The following THUMPD2 variants were observed in gnomAD, a reference collection of about 807,000 sequenced individuals.
The protein encoded by THUMPD2 is U6 snRNA (guanine-N(2))-methyltransferase THUMPD2.
A neutral mutation model predicts 49.4 loss-of-function variants in THUMPD2; 56 were observed. That is an observed-to-expected ratio of 1.13 (90% CI 0.91 to 1.41). The LOEUF is 1.41. THUMPD2 is among the 40% of genes most tolerant of loss of function. THUMPD2 has a pLI of 0.00. For missense variants in THUMPD2, 709 were observed against 594.5 expected, an observed-to-expected ratio of 1.19 and a Z score of -2.00; for synonymous variants, 237 against 205.2, an observed-to-expected ratio of 1.15 and a Z score of -1.32.
chr2:39,748,577 A>T (rs1674919849), intron 8 of THUMPD2, among the ~76,000 whole-genome samples: 1 of 152,100 alleles, frequency 6.6e-6, no homozygotes, highest in Non-Finnish European at 1.5e-5. Flanking sequence ...AGTCCCAGCT[A>T]CTCAGGAGGC....
Position 39,771,561 on chromosome 2 carries a change from C to G in THUMPD2, c.206G>C (p.Arg69Thr). 11 of 1,606,862 alleles carry G rather than the reference C, an allele frequency of 6.8e-6. No individual in the cohort carries two copies. The highest frequency in any genetic ancestry group is 9.3e-6 in the Non-Finnish European group (11 of 1,177,750). ...CTGCTTTTTAATCAGCAAAAATAATCTTTCTGCAGATTTTAATTTCTTCAA... is the reference window on the plus strand; with the variant it reads ...CTGCTTTTTAATCAGCAAAAATAATGTTTCTGCAGATTTTAATTTCTTCAA... ...NMLKKLKSAE[R>T]LFLLIKKQFP... Residue 69 changes from arginine to threonine, a missense_variant, in exon 2 of 10, where the codon AGA becomes ACA. Transcript: ENST00000505747.
intron 8 of THUMPD2, among the ~76,000 whole-genome samples, chr2:39,746,645 AT>A (rs1674631729): frequency 2.0e-5 from 3 of 152,096 alleles, no homozygotes; most frequent in Admixed American, 2.0e-4. Flanking sequence ...TGAAAAAAAA[AT>A]TTAGTTTTAA....
At chr2:39,744,524 T>C in intron 8 of THUMPD2, 46 bp from the exon 9 acceptor site, 1 of 1,226,554 alleles carries the variant, frequency 8.2e-7, no homozygotes, top group Non-Finnish European at 1.1e-6. Context: ...GGGTCAAATA[T>C]TTACAACTTA....
intron 1 of THUMPD2, among the ~76,000 whole-genome samples, chr2:39,776,780 T>A (rs1679167618): frequency 6.6e-6 from 1 of 152,208 alleles, no homozygotes; most frequent in African/African-American, 2.4e-5. Context: ...AATTTTCCAC[T>A]GCAAACTGTG....
chr2:39,737,524 A>G (rs1673258292), intron 9 of THUMPD2, among the ~76,000 whole-genome samples: 1 of 152,226 alleles, frequency 6.6e-6, no homozygotes, highest in Non-Finnish European at 1.5e-5. Flanking sequence ...ATCAAAGTCT[A>G]TGTAGCACTT....
At chr2:39,770,428 G>A (rs1366193191) in intron 2 of THUMPD2, among the ~76,000 whole-genome samples, 2 of 151,812 alleles carry the variant, frequency 1.3e-5, no homozygotes, top group Non-Finnish European at 2.9e-5. Context: ...TATATACATA[G>A]ACCTAGAGTG....
At chr2:39,744,525 T>A (rs1048474666) in intron 8 of THUMPD2, 47 bp from the exon 9 acceptor site, 3 of 1,223,858 alleles carry the variant, frequency 2.5e-6, no homozygotes, top group Non-Finnish European at 3.4e-6. Context: ...GGTCAAATAT[T>A]TACAACTTAA....
intron 8 of THUMPD2, among the ~76,000 whole-genome samples, chr2:39,751,205 C>T (rs926742478): frequency 6.6e-6 from 1 of 152,242 alleles, no homozygotes; most frequent in Non-Finnish European, 1.5e-5. Flanking sequence ...AACACCAAGG[C>T]CAAGCCAGCA....
chr2:39,738,618 A>G (rs1673471039), intron 9 of THUMPD2, among the ~76,000 whole-genome samples: 1 of 120,118 alleles, frequency 8.3e-6, no homozygotes, highest in Admixed American at 8.7e-5. Flanking sequence ...TATATAATAT[A>G]TATTATATAT....
At chr2:39,755,771 C>A in intron 7 of THUMPD2, 118 bp downstream of exon 7, 1 of 738,972 alleles carries the variant, frequency 1.4e-6, no homozygotes, top group South Asian at 2.0e-5. Context: ...TAAATAATAA[C>A]TCATATAATT....
chr2:39,767,332 C>T (rs1254441128), intron 4 of THUMPD2, among the ~76,000 whole-genome samples: 11 of 151,942 alleles, frequency 7.2e-5, no homozygotes, highest in Admixed American at 5.2e-4. Flanking sequence ...GGGCCGGGCG[C>T]GGTGGCTCAC....
At chr2:39,774,647 G>A (rs1237759470) in intron 1 of THUMPD2, among the ~76,000 whole-genome samples, 1 of 152,068 alleles carries the variant, frequency 6.6e-6, no homozygotes, top group Admixed American at 6.5e-5. Context: ...ATGAATTTTG[G>A]TGCTTATGAC....
intron 5 of THUMPD2, 101 bp from the exon 6 acceptor site, chr2:39,761,519 T>C (rs1430681720): frequency 5.5e-6 from 6 of 1,099,928 alleles, no homozygotes; most frequent in Non-Finnish European, 8.1e-6. Context: ...AACATATTCA[T>C]CCAACATACA....
At chr2:39,761,505 T>C in intron 5 of THUMPD2, 87 bp from the exon 6 acceptor site, 1 of 1,196,980 alleles carries the variant, frequency 8.4e-7, no homozygotes, top group Non-Finnish European at 1.2e-6. Flanking sequence ...CTGAGAATCA[T>C]TTAAACATAT....
rs1294954765 is a variant in THUMPD2 at position 39,773,161 on chromosome 2, CTAAAG to C, written c.127-1526_127-1522del. ...TTACATAGGTGACATTTTCCCAAAACTAAAGTATATACTTCAAAATGCTTAGAAAC... is the reference window on the plus strand; with the variant it reads ...TTACATAGGTGACATTTTCCCAAAACTATATACTTCAAAATGCTTAGAAAC... On this transcript the variant is annotated intron_variant, in intron 1 of 9. Transcript: ENST00000505747. 3.3e-5 allele frequency among the ~76,000 whole-genome samples: 5 copies of C among 152,208 alleles called. No individual in the cohort carries two copies. The East Asian group carries it at 9.7e-4, about 29-fold the overall frequency.
At chr2:39,750,350 T>C (rs552971126) in intron 8 of THUMPD2, among the ~76,000 whole-genome samples, 1 of 152,350 alleles carries the variant, frequency 6.6e-6, no homozygotes, top group African/African-American at 2.4e-5. Flanking sequence ...TAATGATCAG[T>C]GATGTTGAGC....
At chr2:39,748,237 T>C (rs188869961) in intron 8 of THUMPD2, among the ~76,000 whole-genome samples, 8 of 152,320 alleles carry the variant, frequency 5.3e-5, no homozygotes, top group Admixed American at 2.6e-4. Context: ...GTAAAGTTTA[T>C]AGCACCACCC....
At chr2:39,768,856 A>C in intron 3 of THUMPD2, 10 of 1,242,598 alleles carry the variant, frequency 8.0e-6, no homozygotes, top group Non-Finnish European at 1.1e-5. Context: ...AGCTACTATA[A>C]GCCTATGTGT....
At chr2:39,776,254 T>G (rs756751936) in intron 1 of THUMPD2, among the ~76,000 whole-genome samples, 1 of 152,122 alleles carries the variant, frequency 6.6e-6, no homozygotes, top group South Asian at 2.1e-4. Flanking sequence ...ATGAAGAAAT[T>G]TGCCATACAA....
Sources: gnomAD v4.1 joint callset for allele counts (sites outside exome capture counted in the v4.1 genomes callset) on GRCh38, gnomAD v4.1.1 for gene constraint, MANE v1.5 for transcripts, NCBI Gene and HGNC (gene_info 2026-07-23, HGNC 2026-07-21) for gene names.